GRIN2B: variants seen among roughly 807,000 people sequenced by gnomAD.
The protein encoded by GRIN2B is glutamate ionotropic receptor NMDA type subunit 2B, also known as glutamate receptor ionotropic, NMDA 2B.
A neutral mutation model predicts 114.5 loss-of-function variants in GRIN2B; 5 were observed. The observed-to-expected ratio is 0.04, with a 90% CI of 0.02 to 0.09. The LOEUF (loss-of-function observed/expected upper bound fraction) is 0.09. Among genes scored for constraint, GRIN2B ranks in the 10% least tolerant of loss-of-function variants. The pLI, the probability that GRIN2B is intolerant of heterozygous loss-of-function variation, is 1.00. For synonymous variants in GRIN2B, 787 were observed against 745.1 expected (o/e 1.06, Z -0.92); for missense variants, 1,108 against 1,943.5 (o/e 0.57, Z 8.08).
chr12:13,795,358 C>G (rs1864400323), intron 3 of GRIN2B, among the ~76,000 whole-genome samples: 1 of 144,698 alleles, frequency 6.9e-6, no homozygotes, highest in East Asian at 2.0e-4. Flanking sequence ...AGAAGGAACT[C>G]AGGTTGATGC....
At chr12:13,875,276 C>G (rs995912444) in intron 2 of GRIN2B, among the ~76,000 whole-genome samples, 1 of 152,156 alleles carries the variant, frequency 6.6e-6, no homozygotes, top group African/African-American at 2.4e-5. Flanking sequence ...CTTTAGTAAT[C>G]CCAGCACTGT....
intron 2 of GRIN2B, among the ~76,000 whole-genome samples, chr12:13,978,594 A>G (rs2136880229): frequency 6.6e-6 from 1 of 151,194 alleles, no homozygotes; most frequent in Middle Eastern, 3.4e-3. Context: ...AAATGCCAGA[A>G]AAAAAAATTG....
intron 5 of GRIN2B, among the ~76,000 whole-genome samples, chr12:13,669,848 C>T (rs571754481): frequency 1.3e-5 from 2 of 152,188 alleles, no homozygotes; most frequent in African/African-American, 4.8e-5. Flanking sequence ...CTGATTTGAT[C>T]ATTGTGGACT....
At chr12:13,688,033 T>C (rs1325806691) in intron 4 of GRIN2B, among the ~76,000 whole-genome samples, 2 of 152,202 alleles carry the variant, frequency 1.3e-5, no homozygotes, top group Non-Finnish European at 1.5e-5. Context: ...TACATTATTT[T>C]ACATTCTCAC....
At chr12:13,965,833 T>C (rs1433580281) in intron 2 of GRIN2B, among the ~76,000 whole-genome samples, 1 of 152,234 alleles carries the variant, frequency 6.6e-6, no homozygotes, top group Non-Finnish European at 1.5e-5. Flanking sequence ...GTCTTAAATC[T>C]TTTGCATGAT....
chr12:13,715,081 ATGG>A (rs945258030), intron 4 of GRIN2B, among the ~76,000 whole-genome samples: 1 of 151,780 alleles, frequency 6.6e-6, no homozygotes, highest in Non-Finnish European at 1.5e-5. Flanking sequence ...ACGTTGATGG[ATGG>A]TGGTGGTGGT....
intron 5 of GRIN2B, among the ~76,000 whole-genome samples, chr12:13,639,141 A>G (rs780909633): frequency 1.3e-5 from 2 of 152,090 alleles, no homozygotes; most frequent in Non-Finnish European, 2.9e-5. Context: ...CATCAAATCC[A>G]ATTGTCTCTA....
chr12:13,793,622 A>T (rs1864357132), intron 3 of GRIN2B, among the ~76,000 whole-genome samples: 1 of 151,634 alleles, frequency 6.6e-6, no homozygotes, highest in Non-Finnish European at 1.5e-5. Flanking sequence ...ATTCGAATCC[A>T]CTCCTCATCA....
At position 13,713,057 on chromosome 12, in the gene GRIN2B, T is replaced by C. The variant is rs1219928286; in HGVS notation, c.1011-37198A>G. Among the ~76,000 whole-genome samples the C allele has an allele frequency of 2.6e-5, 4 of 151,858 alleles. No homozygotes were observed. The East Asian group carries it at 7.8e-4, about 29-fold the overall frequency. On this transcript the variant is annotated intron_variant, in intron 4 of 13. Coordinates refer to ENST00000609686, the MANE Select transcript of GRIN2B (RefSeq NM_000834.5). The stretch of plus-strand genomic sequence containing the variant: ...AATATGCTTACCACCAAGCATAAGA[T>C]GAGATACCAAAGAATTAAAATATAG...
intron 3 of GRIN2B, among the ~76,000 whole-genome samples, chr12:13,805,736 T>C (rs573255698): frequency 3.9e-5 from 6 of 152,324 alleles, no homozygotes; most frequent in Admixed American, 1.3e-4. Flanking sequence ...CATTTTTCTG[T>C]GTGGTGAAAA....
At chr12:13,865,701 C>T in intron 3 of GRIN2B, 97 bp downstream of exon 3, 2 of 1,010,476 alleles carry the variant, frequency 2.0e-6, no homozygotes, top group East Asian at 2.4e-5. Flanking sequence ...ATCTGGTTAC[C>T]TTCCATCATT....
chr12:13,701,058 T>G (rs1304148331), intron 4 of GRIN2B, among the ~76,000 whole-genome samples: 2 of 152,068 alleles, frequency 1.3e-5, no homozygotes, highest in African/African-American at 2.4e-5. Flanking sequence ...GGCACCTACT[T>G]CACAAGGCAG....
At chr12:13,617,207 A>G (rs886393664) in intron 5 of GRIN2B, among the ~76,000 whole-genome samples, 10 of 152,244 alleles carry the variant, frequency 6.6e-5, no homozygotes, top group Non-Finnish European at 1.2e-4. Context: ...GGTGGATCTA[A>G]ATTGGAATAA....
Position 13,571,794 on chromosome 12 carries a change from C to T in GRIN2B, c.2171+10G>A. ...AGATCAAGGACTCTGAGCTTGGAAG[C>T]AGTTCTTACCCTGTTTTCAGGGAGA... On this transcript the variant is annotated intron_variant, in intron 11 of 13. Coordinates refer to ENST00000609686, the MANE Select transcript of GRIN2B (RefSeq NM_000834.5). 1 of 1,613,970 alleles carries T rather than the reference C, an allele frequency of 6.2e-7. No homozygotes were observed. Among genetic ancestry groups the T allele is most frequent in the South Asian group, 1.1e-5 (1 of 91,084 alleles).
rs1374373702 is a variant in GRIN2B, at chr12:13,883,682, TA to T, written c.-18-17457del. 4.2e-4 allele frequency among the ~76,000 whole-genome samples: 64 copies of T among 152,290 alleles called. 1 individual carries two copies. Among genetic ancestry groups the T allele is most frequent in the Admixed American group, 3.5e-3 (54 of 15,298 alleles). On this transcript the variant is annotated intron_variant, in intron 2 of 13. Transcript: ENST00000609686. ...AGTTGTGAGAGTTCTACACATATTC[TA>T]GATATGTCCTTTATATAAAATATGT...
chr12:13,879,807 T>G (rs563050351), intron 2 of GRIN2B, among the ~76,000 whole-genome samples: 2 of 152,262 alleles, frequency 1.3e-5, no homozygotes, highest in African/African-American at 2.4e-5. Context: ...CGGACACAGC[T>G]GCAGGCCAGG....
At chr12:13,775,654 A>G (rs1863990991) in intron 3 of GRIN2B, among the ~76,000 whole-genome samples, 1 of 152,264 alleles carries the variant, frequency 6.6e-6, no homozygotes, top group Non-Finnish European at 1.5e-5. Context: ...TGTATTCAAG[A>G]AAATGCATCA....
At chr12:13,926,880 G>A (rs1368837321) in intron 2 of GRIN2B, among the ~76,000 whole-genome samples, 3 of 151,664 alleles carry the variant, frequency 2.0e-5, no homozygotes, top group Non-Finnish European at 2.9e-5. Context: ...GTGAACCCAG[G>A]AGGTGGAGCT....
intron 2 of GRIN2B, among the ~76,000 whole-genome samples, chr12:13,878,571 A>G (rs557096702): frequency 6.6e-6 from 1 of 152,230 alleles, no homozygotes; most frequent in African/African-American, 2.4e-5. Context: ...TAAATGATAC[A>G]GATTCCTCCT....
Sources: gnomAD v4.1 joint callset for allele counts (sites outside exome capture counted in the v4.1 genomes callset) on GRCh38, gnomAD v4.1.1 for gene constraint, MANE v1.5 for transcripts, NCBI Gene and HGNC (gene_info 2026-07-23, HGNC 2026-07-21) for gene names.